KLHL1: variants seen among roughly 807,000 people sequenced by gnomAD.
The protein encoded by KLHL1 is kelch-like protein 1.
A neutral mutation model predicts 77.7 loss-of-function variants in KLHL1; 47 were observed. The observed-to-expected ratio is 0.60, with a 90% CI of 0.48 to 0.77. KLHL1 has a LOEUF of 0.77. Among genes scored for constraint, KLHL1 ranks in the 30% least tolerant of loss-of-function variants. KLHL1 has a pLI of 0.00. For missense variants in KLHL1, 925 were observed against 910.8 expected (o/e 1.02, Z -0.20); for synonymous variants, 360 against 325.2 (o/e 1.11, Z -1.15).
chr13:69,801,803 T>C (rs928062421), intron 6 of KLHL1, among the ~76,000 whole-genome samples: 3 of 152,174 alleles, frequency 2.0e-5, no homozygotes, highest in African/African-American at 4.8e-5. Context: ...TGTAGTAATA[T>C]CAAATTTTGA....
At chr13:70,064,932 T>C (rs1174867447) in intron 1 of KLHL1, among the ~76,000 whole-genome samples, 1 of 152,162 alleles carries the variant, frequency 6.6e-6, no homozygotes, top group African/African-American at 2.4e-5. Context: ...TCTATGAAAG[T>C]TTCCTTGAAC....
At chr13:69,994,241 T>C (rs1052800683) in intron 1 of KLHL1, among the ~76,000 whole-genome samples, 1 of 152,116 alleles carries the variant, frequency 6.6e-6, no homozygotes, top group African/African-American at 2.4e-5. Context: ...CATAAAATTA[T>C]GCTATTAATG....
At chr13:69,758,506 A>T (rs1269660606) in intron 7 of KLHL1, among the ~76,000 whole-genome samples, 1 of 152,134 alleles carries the variant, frequency 6.6e-6, no homozygotes, top group African/African-American at 2.4e-5. Context: ...CAAAAATCAC[A>T]TCTTCATGCC....
chr13:69,896,917 G>T (rs556620125), intron 4 of KLHL1, among the ~76,000 whole-genome samples: 7 of 151,878 alleles, frequency 4.6e-5, no homozygotes, highest in Non-Finnish European at 7.4e-5. Flanking sequence ...TGATCCGCCC[G>T]CCTCAGCCTC....
chr13:69,955,359 T>G (rs1883834496), intron 3 of KLHL1, among the ~76,000 whole-genome samples: 1 of 151,352 alleles, frequency 6.6e-6, no homozygotes, highest in Admixed American at 6.6e-5. Context: ...AGACTTTAAT[T>G]AACTTCAGTG....
intron 1 of KLHL1, among the ~76,000 whole-genome samples, chr13:70,013,885 T>G (rs1473179520): frequency 2.6e-5 from 4 of 152,152 alleles, no homozygotes; most frequent in African/African-American, 9.6e-5. Flanking sequence ...CTACTTGTTA[T>G]AGACTCAAAG....
intron 1 of KLHL1, among the ~76,000 whole-genome samples, chr13:70,000,998 A>G (rs532173194): frequency 1.3e-5 from 2 of 151,338 alleles, no homozygotes; most frequent in African/African-American, 2.4e-5. Context: ...TTGGCAAAAT[A>G]TAGAAAATAT....
At chr13:70,041,212 TCTAACA>T in intron 1 of KLHL1, among the ~76,000 whole-genome samples, 1 of 152,220 alleles carries the variant, frequency 6.6e-6, no homozygotes. Flanking sequence ...TTAAGATAAC[TCTAACA>T]CTTGTGTCAC....
At chr13:69,923,871 T>C (rs957039635) in intron 4 of KLHL1, among the ~76,000 whole-genome samples, 31 of 152,110 alleles carry the variant, frequency 2.0e-4, no homozygotes, top group African/African-American at 7.0e-4. Flanking sequence ...GCTGCAGCTG[T>C]GGGCCCAGGC....
intron 4 of KLHL1, among the ~76,000 whole-genome samples, chr13:69,899,624 G>A (rs946440254): frequency 2.6e-5 from 4 of 152,124 alleles, no homozygotes; most frequent in Admixed American, 2.0e-4. Context: ...CTACTCTGAA[G>A]AAAAAGTGAG....
intron 3 of KLHL1, among the ~76,000 whole-genome samples, chr13:69,950,940 A>G (rs1313174506): frequency 2.0e-5 from 3 of 151,648 alleles, no homozygotes; most frequent in Non-Finnish European, 3.0e-5. Flanking sequence ...GAAGATGTCT[A>G]AAGCAGCTTG....
At chr13:70,085,957 T>C (rs1213826374) in intron 1 of KLHL1, among the ~76,000 whole-genome samples, 1 of 152,194 alleles carries the variant, frequency 6.6e-6, no homozygotes, top group African/African-American at 2.4e-5. Context: ...ACATTTCATA[T>C]TGCTAAGTAA....
At chr13:69,824,834 T>C (rs891034773) in intron 6 of KLHL1, among the ~76,000 whole-genome samples, 2 of 152,090 alleles carry the variant, frequency 1.3e-5, no homozygotes, top group African/African-American at 4.8e-5. Context: ...TTGGGTTACA[T>C]ACCTGTATGC....
At chr13:69,861,344 T>C (rs559178758) in intron 5 of KLHL1, among the ~76,000 whole-genome samples, 1 of 152,242 alleles carries the variant, frequency 6.6e-6, no homozygotes, top group East Asian at 1.9e-4. Context: ...ATAGATACTT[T>C]ATATGTCTAT....
At position 69,906,561 on chromosome 13, in the gene KLHL1, A is replaced by ATACT. The variant is rs1336189172; in HGVS notation, c.1015-24070_1015-24067dup. Among the ~76,000 whole-genome samples, 4 of 151,908 alleles carry ATACT rather than the reference A, an allele frequency of 2.6e-5. No individual in the cohort carries two copies. In the East Asian group the frequency reaches 7.7e-4, roughly 29 times the overall value. On this transcript the variant is annotated intron_variant, in intron 4 of 10. Coordinates refer to ENST00000377844, the MANE Select transcript of KLHL1 (RefSeq NM_020866.3). ...GTTTGAATTTTCTAAATTTTATGGA[A>ATACT]TACTTATTAATTATGAGAGCAAATA...
Position 69,996,324 on chromosome 13 carries a change from T to A in KLHL1, c.498-20522A>T, listed in dbSNP as rs146785739. On this transcript the variant is annotated intron_variant, in intron 1 of 10. Transcript: ENST00000377844. The stretch of plus-strand genomic sequence containing the variant: ...TTAAAAAAAATAAAATAAAAAAATT[T>A]AAAAAAGCCTTGAAATATTAAAGAG... 3.5e-3 allele frequency among the ~76,000 whole-genome samples: 525 copies of A among 151,884 alleles called. 5 individuals are homozygous for A. Among genetic ancestry groups the A allele is most frequent in the African/African-American group, 0.012 (499 of 41,458 alleles).
chr13:70,059,225 C>A (rs1886817914), intron 1 of KLHL1, among the ~76,000 whole-genome samples: 1 of 151,608 alleles, frequency 6.6e-6, no homozygotes, highest in Non-Finnish European at 1.5e-5. Context: ...GTGGCACAAC[C>A]TTGGCTTACT....
intron 8 of KLHL1, among the ~76,000 whole-genome samples, chr13:69,727,060 C>T (rs867051212): frequency 4.6e-5 from 7 of 151,724 alleles, no homozygotes; most frequent in South Asian, 4.2e-4. Flanking sequence ...TTATGTGTCT[C>T]GGGAACACAA....
At chr13:69,757,134 C>G (rs892159381) in intron 7 of KLHL1, among the ~76,000 whole-genome samples, 3 of 152,042 alleles carry the variant, frequency 2.0e-5, no homozygotes, top group African/African-American at 7.2e-5. Flanking sequence ...CTTTTAGAAA[C>G]CTACATTCAA....
Sources: gnomAD v4.1 joint callset for allele counts (sites outside exome capture counted in the v4.1 genomes callset) on GRCh38, gnomAD v4.1.1 for gene constraint, MANE v1.5 for transcripts, NCBI Gene and HGNC (gene_info 2026-07-23, HGNC 2026-07-21) for gene names.